The following DOCK1 variants were observed in gnomAD, a reference collection of about 807,000 sequenced individuals.
The protein encoded by DOCK1 is dedicator of cytokinesis 1.
Under a neutral mutation model 262.7 loss-of-function variants are expected in DOCK1, and 138 were observed. The observed-to-expected ratio is 0.53, with a 90% CI of 0.46 to 0.61. The LOEUF (loss-of-function observed/expected upper bound fraction) is 0.61, where lower values mean the gene tolerates loss of function less well. Among genes scored for constraint, DOCK1 ranks in the 20% least tolerant of loss-of-function variants. DOCK1 has a pLI of 0.00. For missense variants in DOCK1, 1,908 were observed against 2,370.7 expected (o/e 0.80, Z 4.05); for synonymous variants, 866 against 867.4 (o/e 1.00, Z 0.03).
At chr10:127,003,728 C>T (rs564070927) in intron 10 of DOCK1, among the ~76,000 whole-genome samples, 3 of 152,218 alleles carry the variant, frequency 2.0e-5, no homozygotes, top group African/African-American at 7.2e-5. Flanking sequence ...TTGAGGTGGG[C>T]AGATCACATG....
intron 33 of DOCK1, among the ~76,000 whole-genome samples, chr10:127,371,691 A>G (rs979407420): frequency 6.6e-6 from 1 of 152,130 alleles, no homozygotes; most frequent in African/African-American, 2.4e-5. Flanking sequence ...TTGTGTCTCT[A>G]TTATTTGTCC....
At chr10:127,184,780 T>C (rs1016795481) in intron 27 of DOCK1, among the ~76,000 whole-genome samples, 1 of 152,196 alleles carries the variant, frequency 6.6e-6, no homozygotes, top group African/African-American at 2.4e-5. Flanking sequence ...GACCGCGCCC[T>C]GGTCCTCCTT....
At chr10:126,968,400 G>A (rs999020247) in intron 1 of DOCK1, among the ~76,000 whole-genome samples, 1 of 152,176 alleles carries the variant, frequency 6.6e-6, no homozygotes, top group Non-Finnish European at 1.5e-5. Flanking sequence ...CATAACCCCT[G>A]AGGCTCTTTT....
chr10:127,040,232 G>T (rs1332372435), intron 19 of DOCK1, among the ~76,000 whole-genome samples: 1 of 152,200 alleles, frequency 6.6e-6, no homozygotes, highest in Admixed American at 6.5e-5. Context: ...GATGGGAAAT[G>T]GTGCAAAAGT....
rs528947051 is a variant in DOCK1 at position 127,164,159 on chromosome 10, C to CTTTTT, written c.2847+36433_2847+36437dup. On this transcript the variant is annotated intron_variant, in intron 27 of 51. Transcript: ENST00000623213. ...CTTTGTCTTCCCTGTCATTTGCCTC[C>CTTTTT]TTTTTTTTTTTTTTTTTTTTTTTTT... is the stretch of plus-strand genomic sequence containing the variant. 4.7e-5 allele frequency among the ~76,000 whole-genome samples: 3 copies of CTTTTT among 63,582 alleles called. 1 individual carries two copies. Among genetic ancestry groups the CTTTTT allele is most frequent in the African/African-American group, 6.1e-5 (1 of 16,482 alleles). 41.7% of individuals were successfully genotyped at this position (63,582 alleles called of 152,430 possible).
At chr10:126,907,876 AG>A (rs1254520739) in intron 1 of DOCK1, among the ~76,000 whole-genome samples, 1 of 152,222 alleles carries the variant, frequency 6.6e-6, no homozygotes, top group Non-Finnish European at 1.5e-5. Context: ...TTGATTATTA[AG>A]AAAAAATAAA....
chr10:127,082,767 G>T (rs551759663), intron 23 of DOCK1, among the ~76,000 whole-genome samples: 2 of 152,162 alleles, frequency 1.3e-5, no homozygotes, highest in East Asian at 3.9e-4. Flanking sequence ...CTGGGCCTTC[G>T]TCTCCTTTCC....
Position 127,446,415 on chromosome 10 carries a change from T to C in DOCK1, c.5414-979T>C, listed in dbSNP as rs919401788. On this transcript the variant is annotated intron_variant, in intron 50 of 51. Transcript: ENST00000623213. The surrounding 1 kb of genome is among the most constrained non-coding windows in gnomAD (Gnocchi z 4.4). ...GGTTATCCCCCACGGTCGATGTGAT[T>C]AATGCCACCAAATTGTCCCCTAAAG... Among the ~76,000 whole-genome samples, 1 of 152,184 alleles carries C rather than the reference T, an allele frequency of 6.6e-6. No homozygotes were observed. The highest frequency in any genetic ancestry group is 2.4e-5 in the African/African-American group (1 of 41,464).
At chr10:127,053,449 G>T (rs750278689) in intron 22 of DOCK1, among the ~76,000 whole-genome samples, 31 of 152,246 alleles carry the variant, frequency 2.0e-4, no homozygotes, top group Non-Finnish European at 4.1e-4. Flanking sequence ...TCAGTAGAGT[G>T]ATGTTTCATT....
In DOCK1 at chr10:127,265,018, G is replaced by T. The variant is rs1426894274; in HGVS notation, c.3044+7589G>T. ...ACACTGAACAGGAGAAGATCATAGG[G>T]AAGGAATCAGTTGAGAATTCAAAAT... On this transcript the variant is annotated intron_variant, in intron 29 of 51. Transcript: ENST00000623213. Among the ~76,000 whole-genome samples the T allele has an allele frequency of 7.2e-5, 11 of 152,174 alleles. No individual in the cohort carries two copies. The South Asian group carries it at 1.9e-3, about 26-fold the overall frequency.
At chr10:127,303,361 CA>C (rs1448211118) in intron 29 of DOCK1, among the ~76,000 whole-genome samples, 1 of 152,104 alleles carries the variant, frequency 6.6e-6, no homozygotes, top group African/African-American at 2.4e-5. Flanking sequence ...GGATTCACTC[CA>C]AACTCTCTTA....
At chr10:126,909,392 C>A (rs2031425337) in intron 1 of DOCK1, among the ~76,000 whole-genome samples, 1 of 152,166 alleles carries the variant, frequency 6.6e-6, no homozygotes, top group South Asian at 2.1e-4. Flanking sequence ...GGCGTGTGGC[C>A]TGTGGAACTG....
chr10:127,386,387 G>T (rs1159018464), intron 38 of DOCK1, among the ~76,000 whole-genome samples: 3 of 54,668 alleles, frequency 5.5e-5, no homozygotes, highest in African/African-American at 2.5e-4. Context: ...CTGCACAGCA[G>T]CAGGTGAGCA....
intron 1 of DOCK1, among the ~76,000 whole-genome samples, chr10:126,961,993 G>GTTTTTGC (rs2037258921): frequency 6.6e-6 from 1 of 151,936 alleles, no homozygotes; most frequent in East Asian, 1.9e-4. Flanking sequence ...TTCTGTTTTG[G>GTTTTTGC]TTTTTGCTTT....
At chr10:126,960,149 A>G (rs2037085065) in intron 1 of DOCK1, among the ~76,000 whole-genome samples, 1 of 152,126 alleles carries the variant, frequency 6.6e-6, no homozygotes, top group Admixed American at 6.5e-5. Flanking sequence ...ACATTCAGGT[A>G]ATAGTTTTAC....
At chr10:127,090,219 G>C (rs1489276008) in intron 23 of DOCK1, among the ~76,000 whole-genome samples, 2 of 152,166 alleles carry the variant, frequency 1.3e-5, no homozygotes, top group Non-Finnish European at 2.9e-5. Context: ...AGACATGGCT[G>C]TTCCTGGGTA....
At chr10:127,020,813 AGCCT>A (rs1389852512) in intron 13 of DOCK1, among the ~76,000 whole-genome samples, 2 of 152,132 alleles carry the variant, frequency 1.3e-5, no homozygotes, top group African/African-American at 4.8e-5. Flanking sequence ...CGCTGTCTTT[AGCCT>A]GCAGAACCTG....
At chr10:127,227,807 C>T (rs551149060) in intron 27 of DOCK1, among the ~76,000 whole-genome samples, 28 of 152,290 alleles carry the variant, frequency 1.8e-4, no homozygotes, top group Middle Eastern at 6.8e-3. Context: ...ACTTTTGCCC[C>T]TTCTGCTGGG....
At chr10:126,945,476 A>G (rs1005123901) in intron 1 of DOCK1, among the ~76,000 whole-genome samples, 4 of 151,676 alleles carry the variant, frequency 2.6e-5, no homozygotes, top group African/African-American at 9.7e-5. Context: ...AGAGAGGGAG[A>G]GAGAGAGAGA....
Sources: allele counts gnomAD v4.1 joint callset (sites outside exome capture counted in the v4.1 genomes callset), GRCh38; gene constraint gnomAD v4.1.1; non-coding constraint Gnocchi (gnomAD v3.1); transcripts MANE v1.5; gene names NCBI Gene and HGNC (gene_info 2026-07-23, HGNC 2026-07-21).